Variants in R3HDM2 observed in about 807,000 individuals in gnomAD.
The protein encoded by R3HDM2 is R3H domain-containing protein 2.
Under a neutral mutation model 124.5 loss-of-function variants are expected in R3HDM2, and 38 were observed. That is an observed-to-expected ratio of 0.31 (90% CI 0.24 to 0.40). The LOEUF is 0.40. Among genes scored for constraint, R3HDM2 ranks in the 10% least tolerant of loss-of-function variants. The pLI, the probability that R3HDM2 is intolerant of heterozygous loss-of-function variation, is 1.00. For synonymous variants in R3HDM2, 391 were observed against 448.0 expected, an observed-to-expected ratio of 0.87 and a Z score of 1.61; for missense variants, 869 against 1,236.9, an observed-to-expected ratio of 0.70 and a Z score of 4.46.
intron 1 of R3HDM2, among the ~76,000 whole-genome samples, chr12:57,410,894 G>A (rs1440022690): frequency 6.6e-6 from 1 of 152,030 alleles, no homozygotes; most frequent in Admixed American, 6.6e-5. Flanking sequence ...GTATAATTTG[G>A]AGAGACAGTA....
chr12:57,328,440 A>G (rs1566177426), intron 2 of R3HDM2, among the ~76,000 whole-genome samples: 1 of 152,086 alleles, frequency 6.6e-6, no homozygotes, highest in Admixed American at 6.5e-5. Flanking sequence ...GCAATCATCA[A>G]CCTTGAGACC....
intron 2 of R3HDM2, among the ~76,000 whole-genome samples, chr12:57,333,597 CAGG>C (rs2058474613): frequency 6.6e-6 from 1 of 152,068 alleles, no homozygotes; most frequent in African/African-American, 2.4e-5. Context: ...AAGGCTGAGG[CAGG>C]AGAATTGCTT....
Position 57,254,725 on chromosome 12 carries a change from C to A in R3HDM2, c.*48G>T. The A allele has an allele frequency of 7.0e-7, 1 of 1,432,114 alleles. No individual in the cohort carries two copies. Among genetic ancestry groups the A allele is most frequent in the Non-Finnish European group, 9.5e-7 (1 of 1,052,320 alleles). 88.7% of individuals were successfully genotyped at this position (1,432,114 alleles called of 1,614,324 possible). A position where few individuals can be genotyped will look rare whatever the true frequency, so the allele number is the denominator to read the frequency against. On this transcript the variant is annotated 3_prime_UTR_variant, in exon 24 of 24. Coordinates refer to ENST00000402412, the MANE Select transcript of R3HDM2 (RefSeq NM_001394031.1). ...GTCTGTCAGGATCCTTCAACCCCCT[C>A]CACCCTGCCCTTGCTCCTTCTGTGA... is the stretch of plus-strand genomic sequence containing the variant.
chr12:57,342,347 C>T (rs2059652041), intron 2 of R3HDM2, among the ~76,000 whole-genome samples: 1 of 152,040 alleles, frequency 6.6e-6, no homozygotes, highest in Non-Finnish European at 1.5e-5. Context: ...GATACTGATC[C>T]TTGCTGCTGG....
intron 14 of R3HDM2, 27 bp from the exon 15 acceptor site, chr12:57,270,021 T>A (rs776854624): frequency 2.1e-5 from 34 of 1,612,492 alleles, no homozygotes; most frequent in Non-Finnish European, 1.8e-5. Flanking sequence ...AGACACAGGA[T>A]TGGGGCTGTA....
At chr12:57,346,997 C>T (rs562099708) in intron 2 of R3HDM2, among the ~76,000 whole-genome samples, 7 of 152,094 alleles carry the variant, frequency 4.6e-5, no homozygotes, top group Non-Finnish European at 1.0e-4. Flanking sequence ...GTAATCCCAG[C>T]ATGTAAGGAG....
At chr12:57,308,894 A>G (rs567287272) in intron 3 of R3HDM2, among the ~76,000 whole-genome samples, 18 of 152,350 alleles carry the variant, frequency 1.2e-4, no homozygotes, top group African/African-American at 4.1e-4. Context: ...TTTAAAATTC[A>G]TTATTTGTAT....
chr12:57,354,349 G>A (rs956772661), intron 2 of R3HDM2, among the ~76,000 whole-genome samples: 7 of 151,554 alleles, frequency 4.6e-5, no homozygotes, highest in Non-Finnish European at 7.4e-5. Flanking sequence ...GCTCGAGTGC[G>A]GTGGTGCAAT....
At chr12:57,350,310 T>C (rs1237000082) in intron 2 of R3HDM2, among the ~76,000 whole-genome samples, 1 of 152,122 alleles carries the variant, frequency 6.6e-6, no homozygotes, top group Non-Finnish European at 1.5e-5. Flanking sequence ...GAGACTGTGT[T>C]GAAACTAGGT....
Position 57,266,716 on chromosome 12 carries a change from T to C in R3HDM2, c.2131+15A>G. ...CTTGTCAGTGCCCAAGACCCACAGT[T>C]CCTTATCCTCTTACCTGAGTACTGC... On this transcript the variant is annotated intron_variant, in intron 19 of 23. Transcript: ENST00000402412. 1 of 1,550,350 alleles carries C rather than the reference T, an allele frequency of 6.5e-7. No individual in the cohort carries two copies. The highest frequency in any genetic ancestry group is 8.9e-7 in the Non-Finnish European group (1 of 1,123,126).
chr12:57,358,228 C>A (rs2137469658), intron 2 of R3HDM2, among the ~76,000 whole-genome samples: 1 of 152,118 alleles, frequency 6.6e-6, no homozygotes, highest in East Asian at 1.9e-4. Flanking sequence ...CTCAAGTGAT[C>A]CGCCCGCCTA....
At chr12:57,374,059 CAG>C (rs1476955261) in intron 2 of R3HDM2, among the ~76,000 whole-genome samples, 2 of 151,930 alleles carry the variant, frequency 1.3e-5, no homozygotes, top group African/African-American at 2.4e-5. Flanking sequence ...ACCCAGGAGA[CAG>C]AGGTTGCAGT....
At chr12:57,293,452 A>G (rs536691773) in intron 10 of R3HDM2, among the ~76,000 whole-genome samples, 1 of 152,234 alleles carries the variant, frequency 6.6e-6, no homozygotes, top group Non-Finnish European at 1.5e-5. Flanking sequence ...TAGAGGATAG[A>G]GAAGAACCTT....
At position 57,294,556 on chromosome 12, in the gene R3HDM2, C is replaced by T. The variant is rs117992087; in HGVS notation, c.810+843G>A. On this transcript the variant is annotated intron_variant, in intron 10 of 23. Transcript: ENST00000402412. ...AAGACCATACAATATCCCAAGAAAACTAATTTTGACACTAGAGGTAAGATA... is the reference window on the plus strand; with the variant it reads ...AAGACCATACAATATCCCAAGAAAATTAATTTTGACACTAGAGGTAAGATA... Among the ~76,000 whole-genome samples the T allele has an allele frequency of 2.6e-3, 399 of 152,216 alleles. 2 individuals are homozygous for T. The highest frequency in any genetic ancestry group is 5.0e-3 in the Non-Finnish European group (339 of 67,996).
intron 7 of R3HDM2, 32 bp downstream of exon 7, chr12:57,298,058 C>T: frequency 6.8e-7 from 1 of 1,480,172 alleles, no homozygotes; most frequent in Non-Finnish European, 9.2e-7. Context: ...ATCCCCTAAC[C>T]CCTTTTCCTC....
At chr12:57,256,269 A>G (rs2038971251) in intron 22 of R3HDM2, 145 bp downstream of exon 22, 2 of 878,710 alleles carry the variant, frequency 2.3e-6, no homozygotes, top group Non-Finnish European at 3.5e-6. Context: ...GGTGGGAGAC[A>G]TGAGTATAGG....
Position 57,268,503 on chromosome 12 carries a change from G to A in R3HDM2, c.1876-46C>T, listed in dbSNP as rs373399007. ...AAAGAATCACATTCGCATTCACATT[G>A]AGCTCATGCAGAAACAGCCTAGTCA... On this transcript the variant is annotated intron_variant, in intron 17 of 23. Transcript: ENST00000402412. 95 of 1,599,584 alleles carry A rather than the reference G, an allele frequency of 5.9e-5. 1 individual carries two copies. In the South Asian group the frequency reaches 8.8e-4, roughly 15 times the overall value.
intron 2 of R3HDM2, among the ~76,000 whole-genome samples, chr12:57,380,094 G>GT (rs1215016381): frequency 2.0e-5 from 3 of 152,128 alleles, no homozygotes; most frequent in Non-Finnish European, 4.4e-5. Flanking sequence ...GTAATAGGAT[G>GT]TAACAGAAAG....
chr12:57,341,288 A>T (rs1482413655), intron 2 of R3HDM2: 1 of 561,592 alleles, frequency 1.8e-6, no homozygotes, highest in African/African-American at 2.1e-5. Flanking sequence ...AAAAGGAAAC[A>T]AACAAAATTA....
Sources: gnomAD v4.1 joint callset for allele counts (sites outside exome capture counted in the v4.1 genomes callset) on GRCh38, gnomAD v4.1.1 for gene constraint, MANE v1.5 for transcripts, NCBI Gene and HGNC (gene_info 2026-07-23, HGNC 2026-07-21) for gene names.